The following GRIK2 variants were observed in gnomAD, a reference collection of about 807,000 sequenced individuals.
The protein encoded by GRIK2 is glutamate receptor ionotropic, kainate 2.
Under a neutral mutation model 100.3 loss-of-function variants are expected in GRIK2, and 32 were observed. The observed-to-expected ratio is 0.32, with a 90% CI of 0.24 to 0.43. The LOEUF (loss-of-function observed/expected upper bound fraction) is 0.43. Among genes scored for constraint, GRIK2 ranks in the 20% least tolerant of loss-of-function variants. The pLI is 1.00. For synonymous variants in GRIK2, 417 were observed against 389.4 expected, an observed-to-expected ratio of 1.07 and a Z score of -0.83; for missense variants, 843 against 1,114.9, an observed-to-expected ratio of 0.76 and a Z score of 3.47.
intron 2 of GRIK2, among the ~76,000 whole-genome samples, chr6:101,597,128 T>C (rs534996304): frequency 6.6e-6 from 1 of 151,792 alleles, no homozygotes; most frequent in African/African-American, 2.4e-5. Context: ...CCTAAGTGAA[T>C]TGATAGAGAA....
chr6:101,874,740 T>G (rs1465960507), intron 11 of GRIK2, among the ~76,000 whole-genome samples: 1 of 152,174 alleles, frequency 6.6e-6, no homozygotes, highest in African/African-American at 2.4e-5. Flanking sequence ...CATGGAGTGT[T>G]CTTCCATTTG....
intron 9 of GRIK2, among the ~76,000 whole-genome samples, chr6:101,812,144 A>T (rs2128419082): frequency 6.6e-6 from 1 of 151,794 alleles, no homozygotes; most frequent in South Asian, 2.1e-4. Flanking sequence ...AGAATAACAC[A>T]AAAAACATGA....
At chr6:101,868,803 T>C (rs1785210222) in intron 11 of GRIK2, among the ~76,000 whole-genome samples, 1 of 151,900 alleles carries the variant, frequency 6.6e-6, no homozygotes, top group African/African-American at 2.4e-5. Context: ...AAAAAATTGC[T>C]CAAATAAGAT....
At chr6:101,844,835 C>T (rs928305563) in intron 10 of GRIK2, among the ~76,000 whole-genome samples, 1 of 152,094 alleles carries the variant, frequency 6.6e-6, no homozygotes, top group East Asian at 1.9e-4. Flanking sequence ...TTAGGTAAAA[C>T]TTACATGATG....
intron 10 of GRIK2, among the ~76,000 whole-genome samples, chr6:101,851,393 C>T (rs1165485572): frequency 6.6e-6 from 1 of 151,800 alleles, no homozygotes; most frequent in African/African-American, 2.4e-5. Context: ...ACTCCTAACA[C>T]CAACTTTGAT....
At chr6:101,494,664 C>T (rs1218762855) in intron 2 of GRIK2, among the ~76,000 whole-genome samples, 1 of 151,728 alleles carries the variant, frequency 6.6e-6, no homozygotes, top group African/African-American at 2.4e-5. Flanking sequence ...GGCATGGTGG[C>T]TCATGCCTGT....
intron 7 of GRIK2, chr6:101,745,089 A>T (rs920422259): frequency 8.5e-5 from 13 of 152,220 alleles, no homozygotes; most frequent in Non-Finnish European, 1.6e-4. Context: ...GTTGTAAAAA[A>T]TTTATTAAAT....
intron 11 of GRIK2, among the ~76,000 whole-genome samples, chr6:101,889,347 C>T (rs763982620): frequency 2.0e-5 from 3 of 151,460 alleles, no homozygotes; most frequent in Non-Finnish European, 2.9e-5. Context: ...ACTGAGTGTA[C>T]AATAGTTTCT....
chr6:101,550,278 G>A (rs1776442634), intron 2 of GRIK2, among the ~76,000 whole-genome samples: 1 of 152,074 alleles, frequency 6.6e-6, no homozygotes, highest in Non-Finnish European at 1.5e-5. Flanking sequence ...TTTAGTCTTT[G>A]GAAAGAAATT....
chr6:102,039,540 G>A (rs970503967), intron 15 of GRIK2, among the ~76,000 whole-genome samples: 4 of 151,418 alleles, frequency 2.6e-5, no homozygotes, highest in African/African-American at 4.8e-5. Context: ...AGCAGGTGCC[G>A]TCTTGTCTCT....
chr6:101,717,828 T>C (rs1236187477), intron 7 of GRIK2, among the ~76,000 whole-genome samples: 3 of 151,798 alleles, frequency 2.0e-5, no homozygotes, highest in Non-Finnish European at 4.4e-5. Flanking sequence ...TTTTTATGAA[T>C]TTAACAAAAT....
At chr6:101,653,025 T>C (rs1856133) in intron 4 of GRIK2, among the ~76,000 whole-genome samples, 45,445 of 148,048 alleles carry the variant, frequency 0.31, 7,056 homozygotes, top group East Asian at 0.55. Flanking sequence ...TGTCTCTCTA[T>C]CTTTTCACCA....
At chr6:101,647,003 A>T (rs906706135) in intron 4 of GRIK2, among the ~76,000 whole-genome samples, 5 of 151,974 alleles carry the variant, frequency 3.3e-5, no homozygotes, top group Non-Finnish European at 2.9e-5. Context: ...AACACTTAGC[A>T]TGCATTTCTC....
chr6:101,777,269 T>TGGGCAGAGTGCTCA (rs1169207049), intron 7 of GRIK2, among the ~76,000 whole-genome samples: 33 of 152,266 alleles, frequency 2.2e-4, no homozygotes, highest in African/African-American at 7.7e-4. Flanking sequence ...TGCTCTGTGC[T>TGGGCAGAGTGCTCA]GGGCAGAGTG....
chr6:101,893,680 C>A (rs1324235761), intron 12 of GRIK2, among the ~76,000 whole-genome samples: 1 of 151,582 alleles, frequency 6.6e-6, no homozygotes, highest in Non-Finnish European at 1.5e-5. Context: ...ATTTGTTGAG[C>A]CTCTAGTAAG....
intron 7 of GRIK2, among the ~76,000 whole-genome samples, chr6:101,690,645 A>G (rs1189442157): frequency 6.6e-6 from 1 of 151,978 alleles, no homozygotes; most frequent in African/African-American, 2.4e-5. Context: ...TGCCAAGCCT[A>G]AAAAGCCTTC....
chr6:101,793,996 G>A (rs1040748537), intron 7 of GRIK2, among the ~76,000 whole-genome samples: 2 of 152,150 alleles, frequency 1.3e-5, no homozygotes, highest in African/African-American at 4.8e-5. Context: ...GACTCCATGG[G>A]CGTAGGACCC....
intron 7 of GRIK2, among the ~76,000 whole-genome samples, chr6:101,787,470 T>C (rs1354596215): frequency 6.6e-6 from 1 of 152,130 alleles, no homozygotes; most frequent in East Asian, 1.9e-4. Context: ...CTGCTTTTCC[T>C]GTATCCGGTG....
chr6:101,855,737 A>G, intron 10 of GRIK2, among the ~76,000 whole-genome samples: 1 of 152,170 alleles, frequency 6.6e-6, no homozygotes. Context: ...TTTAATGAAA[A>G]GCCACTGTTG....
Sources: gnomAD v4.1 joint callset for allele counts (sites outside exome capture counted in the v4.1 genomes callset) on GRCh38, gnomAD v4.1.1 for gene constraint, MANE v1.5 for transcripts, NCBI Gene and HGNC (gene_info 2026-07-23, HGNC 2026-07-21) for gene names.